Variants in EXT1 observed in about 807,000 individuals in gnomAD.
EXT1 encodes the protein exostosin-1.
EXT1 carries 20 observed loss-of-function variants against 82.5 expected under a neutral mutation model. The ratio of observed to expected loss-of-function variants is 0.24; its 90% CI spans 0.17 to 0.35. The LOEUF (loss-of-function observed/expected upper bound fraction) is 0.35. Ranked by LOEUF, EXT1 falls within the 10% of genes least tolerant of loss-of-function variation. The pLI, the probability that EXT1 is intolerant of heterozygous loss-of-function variation, is 1.00. For missense variants in EXT1, 757 were observed against 936.5 expected (o/e 0.81, Z 2.50); for synonymous variants, 348 against 350.8 (o/e 0.99, Z 0.09).
chr8:117,811,703 G>A (rs1252954882), intron 8 of EXT1, among the ~76,000 whole-genome samples: 2 of 150,962 alleles, frequency 1.3e-5, no homozygotes, highest in Admixed American at 6.6e-5. Context: ...TGTAACCTCT[G>A]CCTCTTAGGT....
intron 1 of EXT1, among the ~76,000 whole-genome samples, chr8:118,057,443 G>A (rs1372631318): frequency 6.6e-6 from 1 of 152,048 alleles, no homozygotes; most frequent in African/African-American, 2.4e-5. Flanking sequence ...AGAGGGCTGA[G>A]GCAAGGGAAT....
At chr8:117,904,541 G>A (rs539158229) in intron 1 of EXT1, among the ~76,000 whole-genome samples, 3 of 152,114 alleles carry the variant, frequency 2.0e-5, no homozygotes, top group South Asian at 4.2e-4. Flanking sequence ...CATAGGAGCC[G>A]GTACTTTGTA....
At chr8:117,951,488 AC>A (rs1814490536) in intron 1 of EXT1, among the ~76,000 whole-genome samples, 1 of 152,212 alleles carries the variant, frequency 6.6e-6, no homozygotes, top group African/African-American at 2.4e-5. Context: ...ATACATTCAT[AC>A]AAACTAGACC....
intron 1 of EXT1, among the ~76,000 whole-genome samples, chr8:117,933,434 C>T (rs1033915716): frequency 6.6e-6 from 1 of 152,004 alleles, no homozygotes; most frequent in South Asian, 2.1e-4. Flanking sequence ...TTAGTAGAAA[C>T]GGGGTTTCAC....
chr8:117,979,379 C>CA (rs925198486), intron 1 of EXT1, among the ~76,000 whole-genome samples: 31 of 116,206 alleles, frequency 2.7e-4, no homozygotes, highest in African/African-American at 5.9e-4. Flanking sequence ...AACAAACAAA[C>CA]AAAAAAACAA....
At chr8:118,034,195 A>C (rs2129885764) in intron 1 of EXT1, among the ~76,000 whole-genome samples, 1 of 152,284 alleles carries the variant, frequency 6.6e-6, no homozygotes, top group South Asian at 2.1e-4. Flanking sequence ...TTCTCTGTTA[A>C]CTCTTGATAC....
At chr8:117,916,066 C>A (rs1813743474) in intron 1 of EXT1, among the ~76,000 whole-genome samples, 1 of 152,070 alleles carries the variant, frequency 6.6e-6, no homozygotes, top group Non-Finnish European at 1.5e-5. Flanking sequence ...CATTTCACTT[C>A]TTTTATAGAA....
intron 1 of EXT1, among the ~76,000 whole-genome samples, chr8:118,090,304 C>T (rs1453744262): frequency 6.6e-6 from 1 of 152,106 alleles, no homozygotes; most frequent in Non-Finnish European, 1.5e-5. Flanking sequence ...ACACGTCCTG[C>T]TGGCACTCCA....
chr8:117,998,314 T>G (rs1260468327), intron 1 of EXT1, among the ~76,000 whole-genome samples: 1 of 151,906 alleles, frequency 6.6e-6, no homozygotes, highest in Non-Finnish European at 1.5e-5. Context: ...ACCCAGCCTA[T>G]TTTACATTTT....
chr8:117,860,413 T>C (rs1812661442), intron 1 of EXT1, among the ~76,000 whole-genome samples: 1 of 152,192 alleles, frequency 6.6e-6, no homozygotes, highest in African/African-American at 2.4e-5. Flanking sequence ...CAATGTCCAC[T>C]ATTCAGATGA....
At chr8:117,881,079 G>A (rs1289460245) in intron 1 of EXT1, among the ~76,000 whole-genome samples, 1 of 152,090 alleles carries the variant, frequency 6.6e-6, no homozygotes, top group African/African-American at 2.4e-5. Context: ...GCAGGTGACT[G>A]GAATGTATGC....
chr8:118,069,864 T>C (rs1224289852), intron 1 of EXT1, among the ~76,000 whole-genome samples: 1 of 152,210 alleles, frequency 6.6e-6, no homozygotes, highest in Non-Finnish European at 1.5e-5. Flanking sequence ...AGATTAGCTA[T>C]GATCCAGGCC....
At chr8:117,869,260 T>C (rs906439702) in intron 1 of EXT1, among the ~76,000 whole-genome samples, 3 of 152,202 alleles carry the variant, frequency 2.0e-5, no homozygotes, top group African/African-American at 4.8e-5. Context: ...CAATCTCTAA[T>C]ACTGGAACAG....
chr8:117,856,467 C>T (rs1485220201), intron 1 of EXT1, among the ~76,000 whole-genome samples: 2 of 129,324 alleles, frequency 1.5e-5, no homozygotes, highest in Admixed American at 8.7e-5. Flanking sequence ...GGGTTTTCAT[C>T]GTGTTAGCCA....
intron 1 of EXT1, among the ~76,000 whole-genome samples, chr8:118,018,627 G>A (rs1816045933): frequency 6.6e-6 from 1 of 152,184 alleles, no homozygotes; most frequent in Non-Finnish European, 1.5e-5. Flanking sequence ...ATCTGTGTGT[G>A]CCACTCTGTC....
At chr8:118,102,216 G>A (rs1023485082) in intron 1 of EXT1, among the ~76,000 whole-genome samples, 1 of 151,924 alleles carries the variant, frequency 6.6e-6, no homozygotes, top group South Asian at 2.1e-4. Flanking sequence ...GCAGTGAGCC[G>A]AGATCGCGCC....
At chr8:117,809,245 T>TATGTATATATA (rs1563874294) in intron 8 of EXT1, among the ~76,000 whole-genome samples, 1,032 of 66,072 alleles carry the variant, frequency 0.016, 19 homozygotes, top group African/African-American at 0.038. Context: ...ATATATATAT[T>TATGTATATATA]ATGTTCTATT....
At chr8:117,887,612 A>C (rs1813170055) in intron 1 of EXT1, among the ~76,000 whole-genome samples, 1 of 152,050 alleles carries the variant, frequency 6.6e-6, no homozygotes, top group Non-Finnish European at 1.5e-5. Flanking sequence ...GGTCTCCCAA[A>C]GTGCTGGGAT....
intron 1 of EXT1, among the ~76,000 whole-genome samples, chr8:117,865,275 C>A (rs913241201): frequency 6.6e-6 from 1 of 152,210 alleles, no homozygotes; most frequent in Non-Finnish European, 1.5e-5. Flanking sequence ...TCAAGCAATC[C>A]TGGCACCTCA....
Sources: gnomAD v4.1 joint callset for allele counts (sites outside exome capture counted in the v4.1 genomes callset) on GRCh38, gnomAD v4.1.1 for gene constraint, MANE v1.5 for transcripts, NCBI Gene and HGNC (gene_info 2026-07-23, HGNC 2026-07-21) for gene names.